Variants in RBFOX1 observed in about 807,000 individuals in gnomAD.
RBFOX1 encodes RNA binding protein fox-1 homolog 1.
RBFOX1 carries 8 observed loss-of-function variants against 57.7 expected under a neutral mutation model. The ratio of observed to expected loss-of-function variants is 0.14; its 90% CI spans 0.08 to 0.25. RBFOX1 has a LOEUF of 0.25. Among genes scored for constraint, RBFOX1 ranks in the 10% least tolerant of loss-of-function variants. RBFOX1 has a pLI of 1.00. For synonymous variants in RBFOX1, 326 were observed against 222.4 expected (o/e 1.47, Z -4.15); for missense variants, 611 against 548.5 (o/e 1.11, Z -1.14).
At chr16:7,499,431 A>G (rs1466785132) in intron 4 of RBFOX1, among the ~76,000 whole-genome samples, 2 of 152,196 alleles carry the variant, frequency 1.3e-5, no homozygotes, top group Non-Finnish European at 2.9e-5. Context: ...ATTAGGTTAC[A>G]TTCTGAGATA....
At chr16:6,666,190 G>T (rs1233631933) in intron 3 of RBFOX1, among the ~76,000 whole-genome samples, 7 of 152,140 alleles carry the variant, frequency 4.6e-5, no homozygotes, top group African/African-American at 7.2e-5. Flanking sequence ...CCAGTCTCAG[G>T]TACATCTGTA....
intron 4 of RBFOX1, among the ~76,000 whole-genome samples, chr16:5,923,760 C>CA (rs983003615): frequency 6.6e-6 from 1 of 152,000 alleles, no homozygotes; most frequent in African/African-American, 2.4e-5. Flanking sequence ...AGACTGGTCT[C>CA]AAACTCCTGA....
At chr16:7,449,514 A>T (rs1261284923) in intron 4 of RBFOX1, among the ~76,000 whole-genome samples, 2 of 152,020 alleles carry the variant, frequency 1.3e-5, no homozygotes, top group African/African-American at 2.4e-5. Context: ...CTGAGTCATG[A>T]TCTATCATAT....
rs778808796 is a variant in RBFOX1 at position 6,572,898 on chromosome 16, A to G, written c.-63-81705A>G. Among the ~76,000 whole-genome samples, 34 of 152,114 alleles carry G rather than the reference A, an allele frequency of 2.2e-4. 1 individual carries two copies. Among genetic ancestry groups the G allele is most frequent in the Admixed American group, 1.6e-3 (25 of 15,266 alleles). ...AGTGATCCCGCATGCCCAGCCATCA[A>G]TAAATACTTACTAAGTGCCTACTTT... On this transcript the variant is annotated intron_variant, in intron 2 of 15. Transcript: ENST00000550418.
At chr16:7,509,883 A>G (rs1477359701) in intron 4 of RBFOX1, among the ~76,000 whole-genome samples, 1 of 152,130 alleles carries the variant, frequency 6.6e-6, no homozygotes, top group Non-Finnish European at 1.5e-5. Context: ...TTAGTTTAGT[A>G]ATGAAAAATT....
intron 4 of RBFOX1, among the ~76,000 whole-genome samples, chr16:7,337,789 A>G (rs1185102965): frequency 6.6e-6 from 1 of 152,124 alleles, no homozygotes; most frequent in Admixed American, 6.5e-5. Context: ...GGTTCAAGCG[A>G]TTCTCCTGCC....
chr16:6,846,814 C>G (rs2093779622), intron 3 of RBFOX1, among the ~76,000 whole-genome samples: 1 of 151,956 alleles, frequency 6.6e-6, no homozygotes, highest in South Asian at 2.1e-4. Flanking sequence ...TTGTAAGCAG[C>G]TGCTTTAATA....
rs139095050 is a variant in RBFOX1, at chr16:6,878,470, C to T, written c.-15-173587C>T. Among the ~76,000 whole-genome samples, 6 of 152,292 alleles carry T rather than the reference C, an allele frequency of 3.9e-5. 1 individual carries two copies. The highest frequency in any genetic ancestry group is 1.4e-4 in the African/African-American group (6 of 41,558). The stretch of plus-strand genomic sequence containing the variant: ...AGCAACACCACCCTGTCTCTTACCA[C>T]CAAATCCATGATGGACATGTGATAT... On this transcript the variant is annotated intron_variant, in intron 3 of 15. Transcript: ENST00000550418.
At chr16:7,494,052 C>T (rs2215400) in intron 4 of RBFOX1, among the ~76,000 whole-genome samples, 134,802 of 152,206 alleles carry the variant, frequency 0.89, 61,961 homozygotes, top group East Asian at 1. Flanking sequence ...ATTTCTTCTC[C>T]GAGAGTGGTT....
chr16:5,673,821 C>T (rs987520659), intron 3 of RBFOX1, among the ~76,000 whole-genome samples: 8 of 152,178 alleles, frequency 5.3e-5, no homozygotes, highest in Non-Finnish European at 1.2e-4. Flanking sequence ...TGGCTCTTTC[C>T]GATGTTGTCT....
chr16:6,391,538 C>T (rs1227427719), intron 2 of RBFOX1, among the ~76,000 whole-genome samples: 1 of 151,044 alleles, frequency 6.6e-6, no homozygotes, highest in African/African-American at 2.4e-5. Flanking sequence ...AAAAAAGTAT[C>T]ATGATTTGAT....
intron 3 of RBFOX1, among the ~76,000 whole-genome samples, chr16:6,941,074 A>G (rs1442736300): frequency 6.6e-6 from 1 of 152,000 alleles, no homozygotes; most frequent in Non-Finnish European, 1.5e-5. Flanking sequence ...GGAGGGAGAA[A>G]TGGAGGTGGG....
At chr16:6,256,785 G>T (rs2097670458) in intron 1 of RBFOX1, among the ~76,000 whole-genome samples, 2 of 152,098 alleles carry the variant, frequency 1.3e-5, no homozygotes, top group African/African-American at 4.8e-5. Flanking sequence ...ATTGACTAAT[G>T]TTCCCTGGGA....
intron 2 of RBFOX1, among the ~76,000 whole-genome samples, chr16:6,513,736 AAAACAAAC>A (rs371822908): frequency 2.6e-5 from 4 of 151,164 alleles, no homozygotes; most frequent in African/African-American, 9.7e-5. Flanking sequence ...CTTCGTCTCA[AAAACAAAC>A]AAACAAACAA....
chr16:7,452,360 G>A (rs1034984), intron 4 of RBFOX1, among the ~76,000 whole-genome samples: 5 of 151,948 alleles, frequency 3.3e-5, no homozygotes, highest in African/African-American at 9.7e-5. Context: ...TGTGCTAAGA[G>A]CTTAGAACAA....
rs1407746169 is a variant in RBFOX1, at chr16:5,391,669, A to G, written c.220-75547A>G. 2.0e-5 allele frequency among the ~76,000 whole-genome samples: 3 copies of G among 152,128 alleles called. No homozygotes were observed. In the East Asian group the frequency reaches 5.8e-4, roughly 29 times the overall value. ...TTCTCTTCCAACTTCAGGAGAGCTC[A>G]GGTGTCCCTAGGATCACAGGTAGTG... On this transcript the variant is annotated intron_variant, in intron 1 of 2. Transcript: ENST00000585867.
At chr16:7,132,578 A>C (rs2070785235) in intron 4 of RBFOX1, among the ~76,000 whole-genome samples, 1 of 151,530 alleles carries the variant, frequency 6.6e-6, no homozygotes, top group South Asian at 2.1e-4. Context: ...CATGTTTATG[A>C]AGGCAGAAGT....
chr16:6,391,286 G>A (rs547167381), intron 2 of RBFOX1, among the ~76,000 whole-genome samples: 1 of 152,230 alleles, frequency 6.6e-6, no homozygotes, highest in Admixed American at 6.5e-5. Context: ...CAGGCGGGCC[G>A]ATCACGAGGT....
intron 2 of RBFOX1, among the ~76,000 whole-genome samples, chr16:5,491,832 C>A (rs936287192): frequency 2.6e-5 from 4 of 152,166 alleles, no homozygotes; most frequent in African/African-American, 9.7e-5. Flanking sequence ...TTAGAATTAC[C>A]CAGGGAGCTT....
Sources: gnomAD v4.1 joint callset for allele counts (sites outside exome capture counted in the v4.1 genomes callset) on GRCh38, gnomAD v4.1.1 for gene constraint, MANE v1.5 for transcripts, NCBI Gene and HGNC (gene_info 2026-07-23, HGNC 2026-07-21) for gene names.